STOX2: variants seen among roughly 807,000 people sequenced by gnomAD.
STOX2 encodes the protein storkhead-box protein 2.
STOX2 carries 28 observed loss-of-function variants against 60.9 expected under a neutral mutation model. The observed-to-expected ratio is 0.46, with a 90% confidence interval of 0.34 to 0.63. The LOEUF is 0.63. Among genes scored for constraint, STOX2 ranks in the 30% least tolerant of loss-of-function variants. STOX2 has a pLI of 0.01. For missense variants in STOX2, 1,024 were observed against 1,187.7 expected, an observed-to-expected ratio of 0.86 and a Z score of 2.03; for synonymous variants, 472 against 463.9, an observed-to-expected ratio of 1.02 and a Z score of -0.22.
At chr4:183,893,564 GAA>G (rs1741276127) in intron 1 of STOX2, among the ~76,000 whole-genome samples, 1 of 152,158 alleles carries the variant, frequency 6.6e-6, no homozygotes, top group Non-Finnish European at 1.5e-5. Flanking sequence ...CGGGGTGAGA[GAA>G]GAGCGGATGG....
At chr4:183,807,101 T>C (rs567677508) in intron 1 of STOX2, among the ~76,000 whole-genome samples, 4 of 152,146 alleles carry the variant, frequency 2.6e-5, no homozygotes, top group East Asian at 3.9e-4. Flanking sequence ...GCCTCCCGAG[T>C]AGCTGGGACT....
intron 1 of STOX2, among the ~76,000 whole-genome samples, chr4:183,942,510 C>T (rs1560895386): frequency 1.3e-5 from 2 of 152,036 alleles, no homozygotes. Flanking sequence ...ATCCCCATTT[C>T]ATTTTCATAA....
At chr4:183,921,054 A>G (rs919956927) in intron 1 of STOX2, among the ~76,000 whole-genome samples, 6 of 152,242 alleles carry the variant, frequency 3.9e-5, no homozygotes, top group African/African-American at 1.4e-4. Flanking sequence ...TTGCTGAAGA[A>G]GCATTCGGTT....
chr4:183,875,596 C>A (rs889947093), intron 1 of STOX2, among the ~76,000 whole-genome samples: 2 of 152,206 alleles, frequency 1.3e-5, no homozygotes, highest in Non-Finnish European at 2.9e-5. Flanking sequence ...GCTGGTGTCT[C>A]CTTTGCAAAG....
chr4:184,004,493 G>A (rs953488318), intron 2 of STOX2, among the ~76,000 whole-genome samples: 81 of 152,100 alleles, frequency 5.3e-4, no homozygotes, highest in African/African-American at 1.8e-3. Context: ...CCAGCTACTC[G>A]GGAGGCTGAG....
At chr4:183,920,935 A>G (rs572990880) in intron 1 of STOX2, among the ~76,000 whole-genome samples, 95 of 152,346 alleles carry the variant, frequency 6.2e-4, no homozygotes, top group African/African-American at 1.2e-3. Flanking sequence ...TGAAACATCA[A>G]ATGAAAAGAA....
At chr4:183,983,916 T>C (rs1274362558) in intron 1 of STOX2, among the ~76,000 whole-genome samples, 11 of 152,172 alleles carry the variant, frequency 7.2e-5, no homozygotes, top group Admixed American at 7.2e-4. Context: ...AGTGCTGGGA[T>C]TACAGGCATG....
At chr4:184,002,556 C>A (rs1052217328) in intron 2 of STOX2, among the ~76,000 whole-genome samples, 3 of 152,210 alleles carry the variant, frequency 2.0e-5, no homozygotes. Context: ...GGTAGTTCTG[C>A]TCCATCTGTA....
chr4:183,982,146 G>A lies in STOX2; in HGVS notation c.167-19179G>A, dbSNP rs571899962. Among the ~76,000 whole-genome samples, 3 of 152,258 alleles carry A rather than the reference G, an allele frequency of 2.0e-5. 1 individual carries two copies. Among genetic ancestry groups the A allele is most frequent in the South Asian group, 4.2e-4 (2 of 4,814 alleles). ...CACTTTGGGCTCTAGGATTATATAC[G>A]ATTAAGTGATGATGTACTAGATGTT... is the stretch of plus-strand genomic sequence containing the variant. On this transcript the variant is annotated intron_variant, in intron 1 of 3. Coordinates refer to ENST00000308497, the MANE Select transcript of STOX2 (RefSeq NM_020225.3).
intron 1 of STOX2, among the ~76,000 whole-genome samples, chr4:183,817,683 T>C (rs1373695707): frequency 6.6e-6 from 1 of 152,230 alleles, no homozygotes; most frequent in East Asian, 1.9e-4. Flanking sequence ...TTACATCTCA[T>C]CCAGTTTAGG....
At chr4:183,831,450 C>T (rs1214510553) in intron 1 of STOX2, among the ~76,000 whole-genome samples, 1 of 151,270 alleles carries the variant, frequency 6.6e-6, no homozygotes, top group Non-Finnish European at 1.5e-5. Flanking sequence ...GGACCATGAA[C>T]ATTAGTTCAT....
intron 1 of STOX2, among the ~76,000 whole-genome samples, chr4:183,998,960 G>T (rs1733465176): frequency 6.6e-6 from 1 of 152,090 alleles, no homozygotes; most frequent in Admixed American, 6.5e-5. Flanking sequence ...CCTGAGGTAG[G>T]AGGATCTCTT....
At chr4:183,854,553 A>C (rs1740241187) in intron 1 of STOX2, among the ~76,000 whole-genome samples, 1 of 152,224 alleles carries the variant, frequency 6.6e-6, no homozygotes, top group Admixed American at 6.5e-5. Context: ...ATTATTTTTT[A>C]TAAAAAGTAA....
chr4:183,960,056 G>A (rs986617147), intron 1 of STOX2, among the ~76,000 whole-genome samples: 10 of 152,218 alleles, frequency 6.6e-5, no homozygotes, highest in Admixed American at 4.6e-4. Context: ...TAAGTGAGTG[G>A]TGAAAAGGAA....
At chr4:183,848,101 G>A (rs75767833) in intron 1 of STOX2, among the ~76,000 whole-genome samples, 4,234 of 152,282 alleles carry the variant, frequency 0.028, 85 homozygotes, top group Middle Eastern at 0.075. Flanking sequence ...AGGGGACAGC[G>A]TGTGGTTGCC....
intron 1 of STOX2, among the ~76,000 whole-genome samples, chr4:183,807,243 A>T (rs1897981): frequency 0.58 from 87,851 of 152,044 alleles, 26,280 homozygotes; most frequent in East Asian, 0.79. Context: ...AAGTGCTGGG[A>T]TTACAGGCCT....
chr4:183,873,422 G>A (rs1740740180), intron 1 of STOX2, among the ~76,000 whole-genome samples: 1 of 149,244 alleles, frequency 6.7e-6, no homozygotes, highest in South Asian at 2.2e-4. Flanking sequence ...CTCCAGCCTG[G>A]GCAACAAGAG....
chr4:183,802,570 G>A (rs1738789637), intron 1 of STOX2, among the ~76,000 whole-genome samples: 1 of 150,280 alleles, frequency 6.7e-6, no homozygotes, highest in African/African-American at 2.5e-5. Flanking sequence ...GTAGAGACAG[G>A]GTCTCCCTAT....
intron 1 of STOX2, among the ~76,000 whole-genome samples, chr4:183,827,704 A>G (rs1361790485): frequency 1.3e-5 from 2 of 151,606 alleles, no homozygotes; most frequent in Non-Finnish European, 2.9e-5. Flanking sequence ...ATGAACTTGT[A>G]CATATTTTAT....
Sources: gnomAD v4.1 joint callset for allele counts (sites outside exome capture counted in the v4.1 genomes callset) on GRCh38, gnomAD v4.1.1 for gene constraint, MANE v1.5 for transcripts, NCBI Gene and HGNC (gene_info 2026-07-23, HGNC 2026-07-21) for gene names.